COL4A5: variants seen among roughly 807,000 people sequenced by gnomAD.
The protein encoded by COL4A5 is collagen alpha-5(IV) chain.
A neutral mutation model predicts 130.2 loss-of-function variants in COL4A5; 26 were observed. That is an observed-to-expected ratio of 0.20 (90% CI 0.15 to 0.28). The LOEUF (loss-of-function observed/expected upper bound fraction) is 0.28, where lower values mean the gene tolerates loss of function less well. Ranked by LOEUF, COL4A5 falls within the 10% of genes least tolerant of loss-of-function variation. The probability of loss-of-function intolerance (pLI) is 1.00; values close to 1 mark genes in which losing one functional copy is unlikely to be tolerated. For synonymous variants in COL4A5, 496 were observed against 439.6 expected (o/e 1.13, Z -1.60); for missense variants, 1,131 against 1,344.3 (o/e 0.84, Z 2.48).
intron 1 of COL4A5, among the ~76,000 whole-genome samples, chrX:108,469,376 C>T (rs917655830): frequency 1.8e-5 from 2 of 109,610 alleles, no homozygotes; most frequent in Non-Finnish European, 3.8e-5. Context: ...AACTCCTGGG[C>T]TCAAGTGATC....
At chrX:108,500,587 G>A (rs190985542) in intron 1 of COL4A5, among the ~76,000 whole-genome samples, 1 of 111,721 alleles carries the variant, frequency 9.0e-6, no homozygotes, top group African/African-American at 3.3e-5. Context: ...AAAAATTTTA[G>A]ACATGTAATC....
chrX:108,573,486 A>C (rs1413985123), intron 8 of COL4A5, 88 bp from the exon 9 acceptor site: 14 of 629,455 alleles, frequency 2.2e-5, no homozygotes, highest in Non-Finnish European at 3.8e-5. Flanking sequence ...CTCTGTTACA[A>C]ATTGAATCTT....
chrX:108,470,957 G>A (rs1382615384), intron 1 of COL4A5, among the ~76,000 whole-genome samples: 1 of 111,434 alleles, frequency 9.0e-6, no homozygotes, highest in Non-Finnish European at 1.9e-5. Flanking sequence ...ATGGCTGTAG[G>A]TGAAAGGCTT....
In COL4A5 at chrX:108,439,866, G is replaced by T. The variant is rs1450210700; in HGVS notation, c.-260G>T. ...TCTGTAGGAATTGAGTGAAGAAAAA[G>T]TTTGCAAGTCTGGACAGAAGGGAAA... On this transcript the variant is annotated 5_prime_UTR_variant, in exon 1 of 53. Coordinates refer to ENST00000328300, the MANE Select transcript of COL4A5 (RefSeq NM_033380.3). 2.5e-6 allele frequency: 1 copy of T among 394,509 alleles called. No homozygotes were observed. The highest frequency in any genetic ancestry group is 4.4e-5 in the Admixed American group (1 of 22,919). 32.5% of individuals were successfully genotyped at this position (394,509 alleles called of 1,213,427 possible). A position where few individuals can be genotyped will look rare whatever the true frequency, so the allele number is the denominator to read the frequency against.
At chrX:108,559,181 G>A in intron 3 of COL4A5, 28 bp downstream of exon 3, 7 of 1,091,351 alleles carry the variant, frequency 6.4e-6, no homozygotes, top group Non-Finnish European at 8.9e-6. Flanking sequence ...AACCAGTAAT[G>A]CCAGATGAAT....
intron 37 of COL4A5, among the ~76,000 whole-genome samples, chrX:108,662,838 C>T (rs58781448): frequency 0.093 from 10,402 of 111,662 alleles, 1,096 homozygotes; most frequent in African/African-American, 0.31. Context: ...TGACTTTCTT[C>T]GCAGAATTAG....
intron 1 of COL4A5, among the ~76,000 whole-genome samples, chrX:108,460,656 ATTTTTTTTTTT>A (rs751991149): frequency 7.6e-5 from 3 of 39,446 alleles, no homozygotes; most frequent in African/African-American, 1.1e-4. Flanking sequence ...CGCCTGGCAA[ATTTTTTTTTTT>A]TTTTTTTTTT....
chrX:108,636,879 A>G (rs183306720), intron 36 of COL4A5, among the ~76,000 whole-genome samples: 229 of 110,733 alleles, frequency 2.1e-3, no homozygotes, highest in Non-Finnish European at 3.4e-3. Context: ...AAATTAAACA[A>G]GACGCTCTTA....
intron 1 of COL4A5, among the ~76,000 whole-genome samples, chrX:108,508,583 A>G (rs12857502): frequency 2.1e-5 from 2 of 95,579 alleles, no homozygotes; most frequent in Non-Finnish European, 4.2e-5. Context: ...AAAAAAAAAG[A>G]CAAGAAAGAG....
intron 27 of COL4A5, among the ~76,000 whole-genome samples, chrX:108,602,689 C>T (rs747378567): frequency 8.9e-6 from 1 of 111,911 alleles, no homozygotes; most frequent in Non-Finnish European, 1.9e-5. Flanking sequence ...GTGTGGGATT[C>T]ATTCCTTACA....
chrX:108,606,561 C>G lies in COL4A5; in HGVS notation c.2245-181C>G, dbSNP rs1053015797. On this transcript the variant is annotated intron_variant, in intron 28 of 52. Coordinates refer to ENST00000328300, the MANE Select transcript of COL4A5 (RefSeq NM_033380.3). Reference sequence around the variant, plus strand: ...TAATTTGTTTTACTAAACCCTGTTTCCAATCCTTCCATATGTTTTCTCCAA... The same window carrying G: ...TAATTTGTTTTACTAAACCCTGTTTGCAATCCTTCCATATGTTTTCTCCAA... Among the ~76,000 whole-genome samples, 5 of 110,500 alleles carry G rather than the reference C, an allele frequency of 4.5e-5. No individual in the cohort carries two copies. The Admixed American group carries it at 4.8e-4, about 11-fold the overall frequency.
intron 2 of COL4A5, among the ~76,000 whole-genome samples, chrX:108,542,185 T>A (rs887618170): frequency 9.0e-6 from 1 of 111,730 alleles, no homozygotes; most frequent in African/African-American, 3.3e-5. Context: ...TGTATACATG[T>A]GCCATGTTGG....
chrX:108,632,681 G>T (rs2067285217), intron 36 of COL4A5, among the ~76,000 whole-genome samples: 1 of 110,928 alleles, frequency 9.0e-6, no homozygotes, highest in Middle Eastern at 4.2e-3. Context: ...TTCAACATAT[G>T]CAAATAAATA....
intron 36 of COL4A5, among the ~76,000 whole-genome samples, chrX:108,629,295 T>C (rs1452832466): frequency 9.0e-6 from 1 of 111,704 alleles, no homozygotes; most frequent in Non-Finnish European, 1.9e-5. Flanking sequence ...TGGAAAGAGT[T>C]AACATGATTG....
chrX:108,521,380 C>T (rs1301028386), intron 1 of COL4A5, among the ~76,000 whole-genome samples: 9 of 110,244 alleles, frequency 8.2e-5, no homozygotes, highest in East Asian at 2.8e-4. Flanking sequence ...ATGAATAACT[C>T]GGAAAATTGA....
chrX:108,584,431 A>G, intron 17 of COL4A5, 53 bp from the exon 18 acceptor site: 1 of 1,055,525 alleles, frequency 9.5e-7, no homozygotes, highest in Non-Finnish European at 1.3e-6. Flanking sequence ...TCTTGAGGAA[A>G]TTGATGTTTT....
chrX:108,487,790 T>C (rs2064960914), intron 1 of COL4A5, among the ~76,000 whole-genome samples: 1 of 112,316 alleles, frequency 8.9e-6, no homozygotes, highest in African/African-American at 3.2e-5. Flanking sequence ...GGAAAGCTCT[T>C]ATAGCTAATC....
chrX:108,550,556 A>C (rs1319836685), intron 2 of COL4A5, among the ~76,000 whole-genome samples: 1 of 111,862 alleles, frequency 8.9e-6, no homozygotes, highest in Non-Finnish European at 1.9e-5. Context: ...CCTCAACCTT[A>C]AAGGGCATAT....
At chrX:108,476,575 A>T (rs2064836029) in intron 1 of COL4A5, among the ~76,000 whole-genome samples, 1 of 90,325 alleles carries the variant, frequency 1.1e-5, no homozygotes, top group Non-Finnish European at 2.1e-5. Flanking sequence ...CCTCCCTACC[A>T]CAACCTCACT....
Sources: gnomAD v4.1 joint callset for allele counts (sites outside exome capture counted in the v4.1 genomes callset) on GRCh38, gnomAD v4.1.1 for gene constraint, MANE v1.5 for transcripts, NCBI Gene and HGNC (gene_info 2026-07-23, HGNC 2026-07-21) for gene names.